The following NUDT3 variants were observed in gnomAD, a reference collection of about 807,000 sequenced individuals.
NUDT3 encodes the protein nudix hydrolase 3.
In NUDT3, 9 loss-of-function variants were observed where a neutral mutation model predicts 23.6. The ratio of observed to expected loss-of-function variants is 0.38; its 90% CI spans 0.23 to 0.66. The LOEUF is 0.66. Among genes scored for constraint, NUDT3 ranks in the 30% least tolerant of loss-of-function variants. NUDT3 has a pLI of 0.52. For missense variants in NUDT3, 172 were observed against 218.5 expected (o/e 0.79, Z 1.34); for synonymous variants, 86 against 82.6 (o/e 1.04, Z -0.22).
At chr6:34,321,861 C>T (rs1184958855) in intron 2 of NUDT3, among the ~76,000 whole-genome samples, 1 of 152,226 alleles carries the variant, frequency 6.6e-6, no homozygotes, top group Non-Finnish European at 1.5e-5. Flanking sequence ...ACATGATATA[C>T]ATGTAGCTAC....
intron 1 of NUDT3, among the ~76,000 whole-genome samples, chr6:34,342,965 T>C (rs1283878411): frequency 6.6e-6 from 1 of 152,148 alleles, no homozygotes; most frequent in South Asian, 2.1e-4. Context: ...AAACTCTACC[T>C]TCATCCTCAG....
chr6:34,291,281 C>T (rs911246296), intron 4 of NUDT3, among the ~76,000 whole-genome samples: 1 of 152,022 alleles, frequency 6.6e-6, no homozygotes, highest in East Asian at 1.9e-4. Context: ...ATAAATAATG[C>T]TATTTTTTTA....
At chr6:34,386,839 G>A (rs1196943689) in intron 1 of NUDT3, among the ~76,000 whole-genome samples, 1 of 152,208 alleles carries the variant, frequency 6.6e-6, no homozygotes, top group African/African-American at 2.4e-5. Context: ...GCACAGCTGA[G>A]CACGGTGGCT....
At chr6:34,349,284 T>C (rs528021169) in intron 1 of NUDT3, among the ~76,000 whole-genome samples, 4 of 152,114 alleles carry the variant, frequency 2.6e-5, no homozygotes, top group East Asian at 1.9e-4. Flanking sequence ...GAGGCAGAAG[T>C]AGAAGGAAGT....
chr6:34,335,551 G>A (rs1050702101), intron 2 of NUDT3, among the ~76,000 whole-genome samples: 1 of 151,760 alleles, frequency 6.6e-6, no homozygotes, highest in Non-Finnish European at 1.5e-5. Context: ...TATTCTGGCT[G>A]GCAGTCTTGT....
At chr6:34,319,562 T>C (rs1220250197) in intron 2 of NUDT3, among the ~76,000 whole-genome samples, 3 of 152,190 alleles carry the variant, frequency 2.0e-5, no homozygotes, top group Non-Finnish European at 4.4e-5. Context: ...CGTGTTCAGT[T>C]ACCCAGAAGC....
chr6:34,317,385 T>A (rs1763878848), intron 2 of NUDT3, among the ~76,000 whole-genome samples: 1 of 150,224 alleles, frequency 6.7e-6, no homozygotes, highest in African/African-American at 2.5e-5. Context: ...TTGGGAGAGA[T>A]CACCAAGGAA....
intron 1 of NUDT3, among the ~76,000 whole-genome samples, chr6:34,358,385 C>T (rs996229284): frequency 6.6e-6 from 1 of 151,982 alleles, no homozygotes; most frequent in African/African-American, 2.4e-5. Context: ...GAGCAAGATA[C>T]TTTTTCAAGT....
chr6:34,302,753 CAAAA>C (rs972222997), intron 2 of NUDT3, among the ~76,000 whole-genome samples: 2 of 151,912 alleles, frequency 1.3e-5, no homozygotes, highest in Non-Finnish European at 2.9e-5. Flanking sequence ...AAACAAAAAA[CAAAA>C]AAACACATCC....
intron 2 of NUDT3, among the ~76,000 whole-genome samples, chr6:34,302,629 G>C (rs999104715): frequency 8.5e-5 from 13 of 152,124 alleles, no homozygotes; most frequent in Non-Finnish European, 1.6e-4. Context: ...TTACTCGGGA[G>C]GCTGAGGCAG....
At chr6:34,353,361 C>T (rs1051278435) in intron 1 of NUDT3, among the ~76,000 whole-genome samples, 4 of 151,966 alleles carry the variant, frequency 2.6e-5, no homozygotes, top group African/African-American at 9.7e-5. Context: ...TAATGAATTC[C>T]TAAGTAGTCA....
chr6:34,314,471 A>C (rs994561029), intron 2 of NUDT3, among the ~76,000 whole-genome samples: 1 of 151,600 alleles, frequency 6.6e-6, no homozygotes, highest in African/African-American at 2.4e-5. Context: ...AGGCAGAAGA[A>C]TCACTTGAAC....
intron 2 of NUDT3, among the ~76,000 whole-genome samples, chr6:34,297,734 TATATATATATATA>T (rs1223549030): frequency 2.5e-5 from 1 of 40,192 alleles, no homozygotes; most frequent in African/African-American, 9.6e-5. Context: ...AAAAAAAATA[TATATATATATATA>T]TATATATATA....
At chr6:34,378,282 G>A (rs1366945802) in intron 1 of NUDT3, among the ~76,000 whole-genome samples, 1 of 152,084 alleles carries the variant, frequency 6.6e-6, no homozygotes, top group African/African-American at 2.4e-5. Context: ...CAGCCTGGGA[G>A]ACAGAGCAAG....
At chr6:34,391,762 C>T (rs1257473321) in intron 1 of NUDT3, among the ~76,000 whole-genome samples, 2 of 151,420 alleles carry the variant, frequency 1.3e-5, no homozygotes, top group African/African-American at 2.4e-5. Flanking sequence ...CCCCACCCCT[C>T]AGCTTTGGGC....
chr6:34,334,511 C>T (rs1162987075), intron 2 of NUDT3, among the ~76,000 whole-genome samples: 2 of 151,952 alleles, frequency 1.3e-5, no homozygotes, highest in East Asian at 3.9e-4. Flanking sequence ...TGGTAGTGCA[C>T]ACCTATAATC....
At chr6:34,361,050 C>G (rs561937775) in intron 1 of NUDT3, among the ~76,000 whole-genome samples, 1 of 151,986 alleles carries the variant, frequency 6.6e-6, no homozygotes, top group African/African-American at 2.4e-5. Flanking sequence ...TAGCAAGACC[C>G]CATTTCTATA....
chr6:34,392,372 C>T lies in NUDT3; in HGVS notation c.-10G>A, dbSNP rs753929141. The T allele has an allele frequency of 8.1e-6, 13 of 1,597,052 alleles. No individual in the cohort carries two copies. The South Asian group carries it at 1.3e-4, about 16-fold the overall frequency. On this transcript the variant is annotated 5_prime_UTR_variant, in exon 1 of 5. Coordinates refer to ENST00000607016, the MANE Select transcript of NUDT3 (RefSeq NM_006703.4). ...ACTTGAGCTTCATCATCCTCCGGGC[C>T]CGGGTGGGGGTGCGGTGCGGGTCGC...
chr6:34,343,386 CAAA>C (rs571227862), intron 1 of NUDT3, among the ~76,000 whole-genome samples: 1 of 71,264 alleles, frequency 1.4e-5, no homozygotes. Context: ...CTCGTCTCTA[CAAA>C]AAAAAAAAAA....
Sources: gnomAD v4.1 joint callset for allele counts (sites outside exome capture counted in the v4.1 genomes callset) on GRCh38, gnomAD v4.1.1 for gene constraint, MANE v1.5 for transcripts, NCBI Gene and HGNC (gene_info 2026-07-23, HGNC 2026-07-21) for gene names.